The following ATP9B variants were observed in gnomAD, a reference collection of about 807,000 sequenced individuals.
ATP9B encodes the protein probable phospholipid-transporting ATPase IIB.
ATP9B carries 110 observed loss-of-function variants against 146.1 expected under a neutral mutation model. The observed-to-expected ratio is 0.75, with a 90% CI of 0.65 to 0.88. The LOEUF is 0.88. Ranked by LOEUF, ATP9B falls within the 40% of genes least tolerant of loss-of-function variation. The pLI, the probability that ATP9B is intolerant of heterozygous loss-of-function variation, is 0.00. For missense variants in ATP9B, 1,499 were observed against 1,496.4 expected, an observed-to-expected ratio of 1.00 and a Z score of -0.03; for synonymous variants, 604 against 569.7, an observed-to-expected ratio of 1.06 and a Z score of -0.86.
chr18:79,071,114 G>A (rs917872668), intron 1 of ATP9B, among the ~76,000 whole-genome samples: 15 of 138,130 alleles, frequency 1.1e-4, no homozygotes, highest in Non-Finnish European at 2.1e-4. Flanking sequence ...CCTATAGTGT[G>A]TTTGAGATTA....
At chr18:79,091,570 C>G (rs1371225697) in intron 1 of ATP9B, among the ~76,000 whole-genome samples, 1 of 152,018 alleles carries the variant, frequency 6.6e-6, no homozygotes, top group East Asian at 1.9e-4. Context: ...TTTAAAATTT[C>G]TTTTTCACAG....
intron 12 of ATP9B, among the ~76,000 whole-genome samples, chr18:79,266,746 A>G (rs2145451953): frequency 1.3e-5 from 2 of 152,162 alleles, no homozygotes; most frequent in South Asian, 4.1e-4. Flanking sequence ...GGTAAATGAT[A>G]TTGATTGACT....
intron 9 of ATP9B, among the ~76,000 whole-genome samples, chr18:79,197,953 TTAAAA>T (rs2095431871): frequency 6.6e-6 from 1 of 152,192 alleles, no homozygotes; most frequent in Non-Finnish European, 1.5e-5. Flanking sequence ...CTATAGAATA[TTAAAA>T]TAACATTAGG....
At chr18:79,107,955 C>T (rs985277332) in intron 2 of ATP9B, among the ~76,000 whole-genome samples, 4 of 152,124 alleles carry the variant, frequency 2.6e-5, no homozygotes, top group African/African-American at 9.7e-5. Context: ...TGTGGGAGTT[C>T]GGCATCAGTA....
chr18:79,221,163 T>C (rs1016563338), intron 11 of ATP9B, among the ~76,000 whole-genome samples: 5 of 152,214 alleles, frequency 3.3e-5, no homozygotes, highest in Admixed American at 1.3e-4. Flanking sequence ...CCTTGGTACC[T>C]GTTGTTAACC....
At chr18:79,117,938 T>A (rs80104443) in intron 4 of ATP9B, 1 of 152,236 alleles carries the variant, frequency 6.6e-6, no homozygotes, top group African/African-American at 2.4e-5. Context: ...TGCTTTAACA[T>A]TTTTTATAAA....
intron 12 of ATP9B, among the ~76,000 whole-genome samples, chr18:79,273,177 G>A (rs1363890658): frequency 2.0e-5 from 3 of 152,230 alleles, no homozygotes; most frequent in Non-Finnish European, 4.4e-5. Context: ...CACCCATTGT[G>A]TGTCTGTTCA....
chr18:79,254,078 A>G (rs2096056060), intron 12 of ATP9B: 1 of 152,250 alleles, frequency 6.6e-6, no homozygotes, highest in Non-Finnish European at 1.5e-5. Context: ...ATTTTACCAT[A>G]TAAACATAAA....
intron 16 of ATP9B, 108 bp downstream of exon 16, chr18:79,329,410 A>C: frequency 8.1e-7 from 1 of 1,236,784 alleles, no homozygotes. Flanking sequence ...CAGGTGCTTT[A>C]TGCTGTTACA....
intron 24 of ATP9B, 31 bp downstream of exon 24, chr18:79,347,956 A>C: frequency 6.2e-7 from 1 of 1,607,908 alleles, no homozygotes. Context: ...GCACCCATGG[A>C]GGGCAGGGTC....
chr18:79,376,214 C>CACACACACACAA lies in ATP9B; in HGVS notation c.3307+789_3307+790insCACACACACAAA. On this transcript the variant is annotated intron_variant, in intron 29 of 29. Transcript: ENST00000426216. ...ACACACACACACACACACACACACA[C>CACACACACACAA]AAAACAAAACAAAAAAATGGCTAGC... The CACACACACACAA allele has an allele frequency of 2.5e-3, 2,201 of 878,118 alleles. 29 individuals are homozygous for CACACACACACAA. The highest frequency in any genetic ancestry group is 0.013 in the Middle Eastern group (21 of 1,630). 54.4% of individuals were successfully genotyped at this position (878,118 alleles called of 1,614,324 possible).
chr18:79,092,822 TG>T (rs986770924), intron 1 of ATP9B, among the ~76,000 whole-genome samples: 36 of 152,218 alleles, frequency 2.4e-4, no homozygotes, highest in Middle Eastern at 3.4e-3. Flanking sequence ...GGATACCTCC[TG>T]AAGGACCTGT....
chr18:79,249,912 C>T (rs907381227), intron 11 of ATP9B, among the ~76,000 whole-genome samples: 17 of 152,228 alleles, frequency 1.1e-4, no homozygotes, highest in African/African-American at 3.6e-4. Context: ...AGTTATATTC[C>T]AGGAACAACA....
intron 9 of ATP9B, among the ~76,000 whole-genome samples, chr18:79,202,884 T>C (rs752361877): frequency 6.6e-6 from 1 of 152,238 alleles, no homozygotes; most frequent in Non-Finnish European, 1.5e-5. Flanking sequence ...TGAAATTATA[T>C]AGAACCTTTT....
intron 1 of ATP9B, among the ~76,000 whole-genome samples, chr18:79,070,940 G>T (rs2071666524): frequency 6.6e-6 from 1 of 151,022 alleles, no homozygotes; most frequent in African/African-American, 2.4e-5. Flanking sequence ...CTTTTGATTG[G>T]CATATTTACA....
chr18:79,101,214 C>G (rs997048346), intron 2 of ATP9B, among the ~76,000 whole-genome samples: 16 of 151,994 alleles, frequency 1.1e-4, no homozygotes, highest in Non-Finnish European at 1.6e-4. Context: ...GTGCCACAGC[C>G]ACTCCTGTCC....
At chr18:79,296,271 C>G (rs2096547110) in intron 13 of ATP9B, among the ~76,000 whole-genome samples, 1 of 152,232 alleles carries the variant, frequency 6.6e-6, no homozygotes, top group Non-Finnish European at 1.5e-5. Flanking sequence ...CTATCTTGGT[C>G]TCCCAAAGTG....
At chr18:79,071,312 C>T (rs866389147) in intron 1 of ATP9B, among the ~76,000 whole-genome samples, 2 of 149,118 alleles carry the variant, frequency 1.3e-5, no homozygotes, top group African/African-American at 4.9e-5. Context: ...TGTCAGTCAT[C>T]AAATATGGTT....
intron 1 of ATP9B, among the ~76,000 whole-genome samples, chr18:79,078,660 TCA>T (rs903528081): frequency 6.7e-6 from 1 of 148,442 alleles, no homozygotes; most frequent in Non-Finnish European, 1.5e-5. Flanking sequence ...AGTGTATAGT[TCA>T]GTTTTTTTTT....
Sources: gnomAD v4.1 joint callset for allele counts (sites outside exome capture counted in the v4.1 genomes callset) on GRCh38, gnomAD v4.1.1 for gene constraint, MANE v1.5 for transcripts, NCBI Gene and HGNC (gene_info 2026-07-23, HGNC 2026-07-21) for gene names.